The following B4GALT7 variants were observed in gnomAD, a reference collection of about 807,000 sequenced individuals.
B4GALT7 encodes UDP-Gal:beta-GlcNAc beta-1,4-galactosyltransferase 7.
In B4GALT7, 30 loss-of-function variants were observed where a neutral mutation model predicts 33.0. That is an observed-to-expected ratio of 0.91 (90% confidence interval 0.68 to 1.23). The LOEUF is 1.23. Among genes scored for constraint, B4GALT7 ranks in the 50% most tolerant of loss-of-function variants. The pLI, the probability that B4GALT7 is intolerant of heterozygous loss-of-function variation, is 0.00. For missense variants in B4GALT7, 507 were observed against 450.8 expected, an observed-to-expected ratio of 1.12 and a Z score of -1.13; for synonymous variants, 213 against 187.2, an observed-to-expected ratio of 1.14 and a Z score of -1.13.
In B4GALT7 at chr5:177,609,617, G is replaced by T; in HGVS notation, c.906G>T (p.Val302=). The T allele has an allele frequency of 1.4e-5, 22 of 1,614,054 alleles. No homozygotes were observed. The highest frequency in any genetic ancestry group is 1.9e-5 in the Non-Finnish European group (22 of 1,180,028). The change falls in exon 6 of 6, where the codon GTG becomes GTT. Residue 302 remains valine, a synonymous_variant. Transcript: ENST00000029410. ...YHVASRTALS[V]GGAPCTVLNI... Reference sequence around the variant, plus strand: ...TGGCTTCCCGCACTGCCCTGTCTGTGGGCGGGGCCCCCTGCACTGTCCTCA... The same window carrying T: ...TGGCTTCCCGCACTGCCCTGTCTGTTGGCGGGGCCCCCTGCACTGTCCTCA...
chr5:177,608,823 C>T lies in B4GALT7; in HGVS notation c.724-87C>T. 7.9e-7 allele frequency: 1 copy of T among 1,272,930 alleles called. No individual in the cohort carries two copies. The highest frequency in any genetic ancestry group is 2.3e-5 in the East Asian group (1 of 43,136). The allele number at this position is 1,272,930 out of a possible 1,614,324, so 78.9% of individuals were successfully genotyped here. A position where few individuals can be genotyped will look rare whatever the true frequency, so the allele number is the denominator to read the frequency against. On this transcript the variant is annotated intron_variant, in intron 4 of 5. Coordinates refer to ENST00000029410, the MANE Select transcript of B4GALT7 (RefSeq NM_007255.3). The surrounding 1 kb of genome is among the most constrained non-coding windows in gnomAD (Gnocchi z 4.1). ...TCTCCTGCAGGCTGGGAGTGCAGGT[C>T]CCTTCCTGTGGGACCTCGGGAGCTG... is the stretch of plus-strand genomic sequence containing the variant.
intron 1 of B4GALT7, among the ~76,000 whole-genome samples, chr5:177,601,021 A>T (rs1014841001): frequency 6.6e-6 from 1 of 152,156 alleles, no homozygotes; most frequent in Non-Finnish European, 1.5e-5. Context: ...GGCACTTGAG[A>T]TGTGTCCCTG....
chr5:177,604,468 C>G lies in B4GALT7; in HGVS notation c.340C>G (p.His114Asp), dbSNP rs753864389. 1.2e-6 allele frequency: 2 copies of G among 1,613,910 alleles called. No homozygotes were observed. Among genetic ancestry groups the G allele is most frequent in the South Asian group, 1.1e-5 (1 of 91,088 alleles). The change falls in exon 2 of 6, where the codon CAC becomes GAC. Residue 114 changes from histidine (H) to aspartate (D), a missense_variant. His to Asp is a moderately conservative substitution (Grantham distance 81). Coordinates refer to ENST00000029410, the MANE Select transcript of B4GALT7 (RefSeq NM_007255.3). ...CGAGGAGCTCCTGGTCTTCGTGCCC[C>G]ACATGCGCCGCTTCCTGAGCAGGAA... ...RFEELLVFVP[H>D]MRRFLSRKKI...
At position 177,607,374 on chromosome 5, in the gene B4GALT7, C is replaced by G. The variant is rs370142626; in HGVS notation, c.486C>G (p.His162Gln). 2.0e-5 allele frequency: 33 copies of G among 1,613,948 alleles called. No individual in the cohort carries two copies. In the Admixed American group the frequency reaches 5.2e-4, roughly 25 times the overall value. Residue 162 changes from histidine (H) to glutamine (Q), a missense_variant, in exon 3 of 6, where the codon CAC becomes CAG. His to Gln is a conservative substitution (Grantham distance 24). Coordinates refer to ENST00000029410, the MANE Select transcript of B4GALT7 (RefSeq NM_007255.3). ...ACAGCACGGACTACATTGCCATGCA[C>G]GACGTTGACCTGCTCCCTCTCAACG... ...SSNSTDYIAM[H>Q]DVDLLPLNEE...
rs557610555 is a variant in B4GALT7 at position 177,600,902 on chromosome 5, C to G, written c.50+642C>G. Among the ~76,000 whole-genome samples the G allele has an allele frequency of 2.0e-5, 3 of 152,332 alleles. No homozygotes were observed. Among genetic ancestry groups the G allele is most frequent in the African/African-American group, 7.2e-5 (3 of 41,580 alleles). ...TACACGCATTAGTCCATTTCCTGTG[C>G]AGCTGTATTGGCCCTACGTGAAAGA... is the stretch of plus-strand genomic sequence containing the variant. On this transcript the variant is annotated intron_variant, in intron 1 of 5. Coordinates refer to ENST00000029410, the MANE Select transcript of B4GALT7 (RefSeq NM_007255.3). This position sits in a 1 kb window ranked among gnomAD's most constrained non-coding sequence, Gnocchi z 4.4.
rs545190360 is a variant in B4GALT7 at position 177,608,821 on chromosome 5, G to T, written c.724-89G>T. ...CCTCTCCTGCAGGCTGGGAGTGCAG[G>T]TCCCTTCCTGTGGGACCTCGGGAGC... On this transcript the variant is annotated intron_variant, in intron 4 of 5. Coordinates refer to ENST00000029410, the MANE Select transcript of B4GALT7 (RefSeq NM_007255.3). This position sits in a 1 kb window ranked among gnomAD's most constrained non-coding sequence, Gnocchi z 4.1. 7 of 1,261,504 alleles carry T rather than the reference G, an allele frequency of 5.5e-6. No homozygotes were observed. The highest frequency in any genetic ancestry group is 3.4e-5 in the Admixed American group (2 of 59,220). 78.1% of individuals were successfully genotyped at this position (1,261,504 alleles called of 1,614,324 possible).
At position 177,609,000 on chromosome 5, in the gene B4GALT7, G is replaced by T. The variant is rs146632722; in HGVS notation, c.814G>T (p.Ala272Ser). Residue 272 changes from alanine (A) to serine (S), a missense_variant, in exon 5 of 6, where the codon GCA (alanine) becomes TCA (serine). By Grantham distance (99) the Ala-to-Ser change is moderately conservative (BLOSUM62 1). Transcript: ENST00000029410. This position sits in a 1 kb window ranked among gnomAD's most constrained non-coding sequence, Gnocchi z 4.1. ...AWRKRDQKRI[A>S]AQKQEQFKVD... is the part of the protein sequence containing the mutation. ...GCGGAAGAGGGACCAGAAGCGCATC[G>T]CAGCTCAAAAACAGGTGCTGGCAGG... 3 of 1,611,748 alleles carry T rather than the reference G, an allele frequency of 1.9e-6. No homozygotes were observed. Among genetic ancestry groups the T allele is most frequent in the South Asian group, 1.1e-5 (1 of 91,078 alleles).
intron 1 of B4GALT7, 101 bp from the exon 2 acceptor site, chr5:177,604,078 G>A (rs1210784011): frequency 1.3e-6 from 2 of 1,534,638 alleles, no homozygotes; most frequent in Non-Finnish European, 1.8e-6. Flanking sequence ...GCTTGGGGTA[G>A]ACGAGTTATG....
At chr5:177,604,031 A>G in intron 1 of B4GALT7, 148 bp from the exon 2 acceptor site, 1 of 1,172,928 alleles carries the variant, frequency 8.5e-7, no homozygotes, top group Non-Finnish European at 1.2e-6. Flanking sequence ...TGGCATGAGC[A>G]GAAACATTAA....
Position 177,610,073 on chromosome 5 carries a change from A to G in B4GALT7, c.*378A>G. Reference sequence around the variant, plus strand: ...TCCTTCCTGCTGGGCTGCCTCGTGCAGAGACACAGTGTAGGGGCCATGCAG... The same window carrying G: ...TCCTTCCTGCTGGGCTGCCTCGTGCGGAGACACAGTGTAGGGGCCATGCAG... On this transcript the variant is annotated 3_prime_UTR_variant, in exon 6 of 6. Coordinates refer to ENST00000029410, the MANE Select transcript of B4GALT7 (RefSeq NM_007255.3). The G allele has an allele frequency of 3.0e-6, 1 of 328,186 alleles. No homozygotes were observed. Among genetic ancestry groups the G allele is most frequent in the Non-Finnish European group, 6.0e-6 (1 of 166,124 alleles). 20.3% of individuals were successfully genotyped at this position (328,186 alleles called of 1,614,324 possible).
Position 177,608,875 on chromosome 5 carries a change from G to A in B4GALT7, c.724-35G>A, listed in dbSNP as rs1006816638. 5 of 1,572,808 alleles carry A rather than the reference G, an allele frequency of 3.2e-6. No individual in the cohort carries two copies. Among genetic ancestry groups the A allele is most frequent in the East Asian group, 2.2e-5 (1 of 44,666 alleles). On this transcript the variant is annotated intron_variant, in intron 4 of 5. Transcript: ENST00000029410. This position sits in a 1 kb window ranked among gnomAD's most constrained non-coding sequence, Gnocchi z 4.1. ...TGGTGAGGGCTGGGGCTCCAGGAAG[G>A]GCAGCCTGACCCCGACTTCCTTGGA... is the stretch of plus-strand genomic sequence containing the variant.
In B4GALT7 at chr5:177,607,318, C is replaced by T. The variant is rs747996469; in HGVS notation, c.430C>T (p.Leu144Phe). 6.2e-7 allele frequency: 1 copy of T among 1,611,480 alleles called. No individual in the cohort carries two copies. Among genetic ancestry groups the T allele is most frequent in the Admixed American group, 1.7e-5 (1 of 59,748 alleles). ...VDHFRFNRAALINVGFLESSN... is the reference protein window; with the variant it reads ...VDHFRFNRAAFINVGFLESSN... The stretch of plus-strand genomic sequence containing the variant: ...CCTGCACAGGTTCAACCGGGCAGCG[C>T]TCATCAACGTGGGCTTCCTGGAGAG... The change falls in exon 3 of 6, where the codon CTC (leucine) becomes TTC (phenylalanine). Residue 144 changes from leucine to phenylalanine, a missense_variant. Leu to Phe is a conservative substitution (Grantham distance 22). Transcript: ENST00000029410.
In B4GALT7 at chr5:177,604,419, G is replaced by C; in HGVS notation, c.291G>C (p.Val97=). Residue 97 remains valine, a synonymous_variant, in exon 2 of 6, where the codon GTG becomes GTC. Coordinates refer to ENST00000029410, the MANE Select transcript of B4GALT7 (RefSeq NM_007255.3). Reference sequence around the variant, plus strand: ...CCTGGGGCCCCCACCGCCTGGCAGTGCTGGTGCCCTTCCGCGAACGCTTCG... The same window carrying C: ...CCTGGGGCCCCCACCGCCTGGCAGTCCTGGTGCCCTTCCGCGAACGCTTCG... ...DASWGPHRLA[V]LVPFRERFEE... is the part of the protein sequence containing the mutation. The C allele has an allele frequency of 6.2e-7, 1 of 1,613,904 alleles. No homozygotes were observed. Among genetic ancestry groups the C allele is most frequent in the Non-Finnish European group, 8.5e-7 (1 of 1,179,898 alleles).
intron 2 of B4GALT7, chr5:177,605,026 C>G (rs762424258): frequency 3.1e-5 from 14 of 455,920 alleles, no homozygotes; most frequent in African/African-American, 1.2e-4. Context: ...CCACCAGCCC[C>G]CACCTCCTTT....
At chr5:177,604,047 C>A in intron 1 of B4GALT7, 132 bp from the exon 2 acceptor site, 1 of 1,315,654 alleles carries the variant, frequency 7.6e-7, no homozygotes, top group Non-Finnish European at 1.1e-6. Context: ...ATTAAAGTTG[C>A]TTCTGTACTA....
chr5:177,604,144 C>G, intron 1 of B4GALT7, 35 bp from the exon 2 acceptor site: 1 of 1,612,542 alleles, frequency 6.2e-7, no homozygotes, highest in African/African-American at 1.3e-5. Context: ...CCAGCCCTGC[C>G]CCGCCCTCCT....
In B4GALT7 at chr5:177,600,931, G is replaced by C. The variant is rs1032990836; in HGVS notation, c.50+671G>C. 1.3e-5 allele frequency among the ~76,000 whole-genome samples: 2 copies of C among 152,138 alleles called. No individual in the cohort carries two copies. Among genetic ancestry groups the C allele is most frequent in the African/African-American group, 4.8e-5 (2 of 41,424 alleles). ...TGTATTGGCCCTACGTGAAAGATGC[G>C]AGCTTGGCCCACACCTTAGCTAATT... On this transcript the variant is annotated intron_variant, in intron 1 of 5. Transcript: ENST00000029410. This position sits in a 1 kb window ranked among gnomAD's most constrained non-coding sequence, Gnocchi z 4.4.
chr5:177,604,571 GC>G, intron 2 of B4GALT7, 30 bp downstream of exon 2: 1 of 1,612,860 alleles, frequency 6.2e-7, no homozygotes, highest in Non-Finnish European at 8.5e-7. Context: ...TCTCCCCTCG[GC>G]ACCCCTGCCC....
rs538600624 is a variant in B4GALT7 at position 177,609,003 on chromosome 5, G to A, written c.817G>A (p.Ala273Thr). ...WRKRDQKRIA[A>T]QKQEQFKVDR... Reference sequence around the variant, plus strand: ...GAAGAGGGACCAGAAGCGCATCGCAGCTCAAAAACAGGTGCTGGCAGGGCT... The same window carrying A: ...GAAGAGGGACCAGAAGCGCATCGCAACTCAAAAACAGGTGCTGGCAGGGCT... Residue 273 changes from alanine (A) to threonine (T), a missense_variant, in exon 5 of 6, where the codon GCT becomes ACT. By Grantham distance (58) the Ala-to-Thr change is moderately conservative. Coordinates refer to ENST00000029410, the MANE Select transcript of B4GALT7 (RefSeq NM_007255.3). 6.2e-7 allele frequency: 1 copy of A among 1,611,564 alleles called. No individual in the cohort carries two copies. Among genetic ancestry groups the A allele is most frequent in the South Asian group, 1.1e-5 (1 of 91,072 alleles).
Sources: gnomAD v4.1 joint callset for allele counts (sites outside exome capture counted in the v4.1 genomes callset) on GRCh38, gnomAD v4.1.1 for gene constraint, Gnocchi (gnomAD v3.1) non-coding constraint, MANE v1.5 for transcripts, NCBI Gene and HGNC (gene_info 2026-07-23, HGNC 2026-07-21) for gene names.